The following DISC1 variants were observed in gnomAD, a reference collection of about 807,000 sequenced individuals.
DISC1 encodes disrupted in schizophrenia 1 protein.
A neutral mutation model predicts 84.5 loss-of-function variants in DISC1; 57 were observed. The observed-to-expected ratio is 0.67, with a 90% CI of 0.55 to 0.84. DISC1 has a LOEUF of 0.84. Ranked by LOEUF, DISC1 falls within the 40% of genes least tolerant of loss-of-function variation. The pLI, the probability that DISC1 is intolerant of heterozygous loss-of-function variation, is 0.00. For missense variants in DISC1, 1,000 were observed against 1,057.8 expected (o/e 0.95, Z 0.76); for synonymous variants, 411 against 415.2 (o/e 0.99, Z 0.12).
chr1:231,985,956 C>G (rs767741016), intron 10 of DISC1, among the ~76,000 whole-genome samples: 2 of 152,142 alleles, frequency 1.3e-5, no homozygotes, highest in Non-Finnish European at 2.9e-5. Flanking sequence ...CTGGTGCCAT[C>G]AGATCATGAG....
At chr1:231,736,864 A>G (rs1470475138) in intron 3 of DISC1, among the ~76,000 whole-genome samples, 1 of 152,210 alleles carries the variant, frequency 6.6e-6, no homozygotes, top group East Asian at 1.9e-4. Context: ...GGTCTACACT[A>G]TATATTTTGT....
chr1:231,990,850 G>A lies in DISC1; in HGVS notation c.2043-17935G>A, dbSNP rs559810890. Among the ~76,000 whole-genome samples the A allele has an allele frequency of 1.2e-4, 19 of 152,254 alleles. No homozygotes were observed. In the South Asian group the frequency reaches 3.3e-3, roughly 27 times the overall value. On this transcript the variant is annotated intron_variant, in intron 10 of 12. Transcript: ENST00000439617. ...TCCTGCTCCTAACTTTGTCATAGAC[G>A]TCTCCTGAACTGCAGTTACTGTGTT...
chr1:231,857,803 G>A (rs1169268640), intron 9 of DISC1, among the ~76,000 whole-genome samples: 1 of 152,186 alleles, frequency 6.6e-6, no homozygotes, highest in Admixed American at 6.5e-5. Flanking sequence ...CCGGCTACCC[G>A]GAATCTGGCC....
intron 1 of DISC1, among the ~76,000 whole-genome samples, chr1:231,662,589 T>G (rs983189346): frequency 6.6e-6 from 1 of 152,184 alleles, no homozygotes; most frequent in Non-Finnish European, 1.5e-5. Flanking sequence ...CCATTTGTAT[T>G]CTCCAAAGCT....
rs374426194 is a variant in DISC1 at position 232,036,794 on chromosome 1, C to A, written c.2528C>A (p.Ser843Tyr). 3 of 1,601,664 alleles carry A rather than the reference C, an allele frequency of 1.9e-6. No homozygotes were observed. The African/African-American group carries it at 4.0e-5, about 21-fold the overall frequency. Residue 843 changes from serine to tyrosine, a missense_variant, in exon 13 of 13, where the codon TCC becomes TAC. Coordinates refer to ENST00000439617, the MANE Select transcript of DISC1 (RefSeq NM_018662.3). ...KEAGEREAAA[S>Y]CMTAGVHEAQ... ...GCGGGAGAAAGAGAAGCTGCAGCTT[C>A]CTGCATGACAGCTGGTGTCCACGAA...
intron 10 of DISC1, among the ~76,000 whole-genome samples, chr1:232,008,066 A>C (rs1184745062): frequency 6.6e-6 from 1 of 152,178 alleles, no homozygotes; most frequent in Non-Finnish European, 1.5e-5. Flanking sequence ...CTCCCCAGCC[A>C]CACTGAACTG....
intron 1 of DISC1, among the ~76,000 whole-genome samples, chr1:231,650,178 C>T (rs1053690558): frequency 6.6e-6 from 1 of 152,160 alleles, no homozygotes; most frequent in African/African-American, 2.4e-5. Flanking sequence ...TACAGTTTGG[C>T]ATGTTTTTGC....
intron 3 of DISC1, chr1:231,723,227 T>C (rs2070113608): frequency 1.2e-6 from 1 of 859,510 alleles, no homozygotes. Context: ...CTGGAACCCC[T>C]GATACAGACT....
At chr1:231,943,805 C>A (rs1448266237) in intron 9 of DISC1, 2 of 151,424 alleles carry the variant, frequency 1.3e-5, no homozygotes, top group Non-Finnish European at 2.9e-5. Flanking sequence ...CTCACTGCAA[C>A]CTCCACGTCC....
intron 9 of DISC1, among the ~76,000 whole-genome samples, chr1:231,843,921 T>A (rs2083264241): frequency 6.6e-6 from 1 of 152,132 alleles, no homozygotes; most frequent in Non-Finnish European, 1.5e-5. Flanking sequence ...GTTCTCAGCA[T>A]ATGGATTATA....
intron 1 of DISC1, among the ~76,000 whole-genome samples, chr1:231,678,080 C>T (rs2063332815): frequency 6.6e-6 from 1 of 152,154 alleles, no homozygotes; most frequent in South Asian, 2.1e-4. Context: ...TAGTCATCTA[C>T]AGAAGTAACT....
At chr1:231,672,498 G>T (rs1419394876) in intron 1 of DISC1, among the ~76,000 whole-genome samples, 2 of 152,138 alleles carry the variant, frequency 1.3e-5, no homozygotes, top group African/African-American at 4.8e-5. Context: ...CTAGATACTG[G>T]GCACTTCCCT....
At chr1:231,810,775 G>T (rs943107096) in intron 8 of DISC1, among the ~76,000 whole-genome samples, 4 of 152,168 alleles carry the variant, frequency 2.6e-5, no homozygotes, top group Non-Finnish European at 5.9e-5. Context: ...TGGAATCGGG[G>T]ACAAAAATTA....
chr1:231,790,065 A>G (rs952415368), intron 6 of DISC1, among the ~76,000 whole-genome samples: 1 of 152,162 alleles, frequency 6.6e-6, no homozygotes, highest in African/African-American at 2.4e-5. Context: ...AAGAATGGTA[A>G]TGTTCTACAC....
chr1:231,912,774 TTTCTTTC>T (rs2089326268), intron 9 of DISC1, among the ~76,000 whole-genome samples: 1 of 145,144 alleles, frequency 6.9e-6, no homozygotes, highest in Admixed American at 6.8e-5. Context: ...TCTTTCTTTC[TTTCTTTC>T]TTTCTTTCTT....
chr1:231,992,758 T>C (rs16855938), intron 10 of DISC1, among the ~76,000 whole-genome samples: 8,515 of 152,266 alleles, frequency 0.056, 338 homozygotes, highest in East Asian at 0.21. Context: ...TATTAATCTT[T>C]ACTAGAATGG....
intron 1 of DISC1, among the ~76,000 whole-genome samples, chr1:231,639,851 G>A (rs1007107394): frequency 2.0e-5 from 3 of 152,192 alleles, no homozygotes; most frequent in African/African-American, 7.2e-5. Context: ...TTCATTGCTT[G>A]TCCAGTGATC....
intron 9 of DISC1, among the ~76,000 whole-genome samples, chr1:231,834,772 C>T (rs189811311): frequency 2.0e-5 from 3 of 152,108 alleles, no homozygotes; most frequent in East Asian, 3.9e-4. Context: ...GGGTTCTTGC[C>T]CCCTAGAAAA....
chr1:231,632,845 C>A (rs1394262043), intron 1 of DISC1, among the ~76,000 whole-genome samples: 1 of 152,100 alleles, frequency 6.6e-6, no homozygotes. Flanking sequence ...CCAAGGTGGG[C>A]AGATGACCTG....
Sources: allele counts gnomAD v4.1 joint callset (sites outside exome capture counted in the v4.1 genomes callset), GRCh38; gene constraint gnomAD v4.1.1; transcripts MANE v1.5; gene names NCBI Gene and HGNC (gene_info 2026-07-23, HGNC 2026-07-21).